The following WWOX variants were observed in gnomAD, a reference collection of about 807,000 sequenced individuals.
The protein encoded by WWOX is WW domain-containing oxidoreductase.
In WWOX, 69 loss-of-function variants were observed where a neutral mutation model predicts 46.2. The observed-to-expected ratio is 1.49, with a 90% CI of 1.23 to 1.82. WWOX has a LOEUF of 1.82. Ranked by LOEUF, WWOX falls within the 40% of genes most tolerant of loss-of-function variation. The pLI is 0.00. For missense variants in WWOX, 919 were observed against 542.6 expected (o/e 1.69, Z -6.89); for synonymous variants, 359 against 202.6 (o/e 1.77, Z -6.56).
At chr16:78,657,116 C>T (rs879802600) in intron 8 of WWOX, among the ~76,000 whole-genome samples, 10 of 152,164 alleles carry the variant, frequency 6.6e-5, no homozygotes, top group Non-Finnish European at 1.0e-4. Context: ...CACCAGGCTG[C>T]CACTTTGGCC....
intron 8 of WWOX, among the ~76,000 whole-genome samples, chr16:78,692,631 A>C (rs1481504357): frequency 6.6e-6 from 1 of 152,228 alleles, no homozygotes; most frequent in African/African-American, 2.4e-5. Context: ...TATAAAACTT[A>C]ACAATTGTGG....
intron 8 of WWOX, among the ~76,000 whole-genome samples, chr16:78,524,170 T>C (rs191348406): frequency 7.7e-4 from 118 of 152,310 alleles, no homozygotes; most frequent in African/African-American, 2.8e-3. Flanking sequence ...TTCTGCTCTT[T>C]TTCTCTTTAT....
intron 8 of WWOX, among the ~76,000 whole-genome samples, chr16:78,577,924 T>C (rs1303000374): frequency 6.6e-6 from 1 of 152,120 alleles, no homozygotes; most frequent in African/African-American, 2.4e-5. Flanking sequence ...CTATCAGTTG[T>C]ACCCTTGTGG....
At chr16:78,209,728 C>T (rs906848565) in intron 5 of WWOX, among the ~76,000 whole-genome samples, 6 of 118,800 alleles carry the variant, frequency 5.1e-5, no homozygotes, top group Non-Finnish European at 8.4e-5. Flanking sequence ...AAAGTATGGG[C>T]TTGCGGAGAT....
intron 8 of WWOX, among the ~76,000 whole-genome samples, chr16:78,942,042 C>T (rs984564137): frequency 6.6e-6 from 1 of 152,112 alleles, no homozygotes; most frequent in African/African-American, 2.4e-5. Context: ...TCTACCTCGC[C>T]TGGTCTAGCC....
chr16:79,094,671 T>A (rs2150612333), intron 8 of WWOX, among the ~76,000 whole-genome samples: 1 of 152,114 alleles, frequency 6.6e-6, no homozygotes, highest in Non-Finnish European at 1.5e-5. Context: ...TTTCTAGAAG[T>A]TTTGGTATAA....
intron 6 of WWOX, among the ~76,000 whole-genome samples, chr16:78,415,537 G>T (rs939919416): frequency 3.3e-5 from 5 of 152,066 alleles, no homozygotes; most frequent in South Asian, 2.1e-4. Context: ...GAGTCACTCT[G>T]GTTTGAATGC....
At chr16:78,323,907 T>G (rs1353493615) in intron 5 of WWOX, among the ~76,000 whole-genome samples, 1 of 152,204 alleles carries the variant, frequency 6.6e-6, no homozygotes, top group African/African-American at 2.4e-5. Context: ...CAGTATGGTC[T>G]GAATAATAAG....
At chr16:79,049,832 C>CT (rs1305699955) in intron 8 of WWOX, among the ~76,000 whole-genome samples, 4 of 121,818 alleles carry the variant, frequency 3.3e-5, no homozygotes, top group Non-Finnish European at 6.7e-5. Flanking sequence ...GAGACTCTGT[C>CT]TCAAAAAAAA....
intron 8 of WWOX, among the ~76,000 whole-genome samples, chr16:78,828,916 G>C (rs571114225): frequency 1.3e-5 from 2 of 152,192 alleles, no homozygotes; most frequent in African/African-American, 4.8e-5. Context: ...CCCCCTTTTA[G>C]AGATAAGGTA....
intron 8 of WWOX, among the ~76,000 whole-genome samples, chr16:78,931,155 C>T (rs144662063): frequency 3.1e-4 from 47 of 152,204 alleles, no homozygotes; most frequent in African/African-American, 1.0e-3. Flanking sequence ...AAGGAGCTTA[C>T]GAAAACAGAG....
At chr16:78,439,556 G>C (rs532456961) in intron 8 of WWOX, among the ~76,000 whole-genome samples, 5 of 152,306 alleles carry the variant, frequency 3.3e-5, no homozygotes, top group African/African-American at 9.6e-5. Flanking sequence ...TAAGTAAGTT[G>C]GAAAAGGGCA....
chr16:78,187,291 A>T (rs1273411513), intron 5 of WWOX, among the ~76,000 whole-genome samples: 1 of 152,176 alleles, frequency 6.6e-6, no homozygotes, highest in Non-Finnish European at 1.5e-5. Flanking sequence ...GGTGGGCACA[A>T]AGAAAAGAGG....
At chr16:78,607,644 C>CTTTTT (rs4035989) in intron 8 of WWOX, among the ~76,000 whole-genome samples, 6 of 141,562 alleles carry the variant, frequency 4.2e-5, no homozygotes, top group Non-Finnish European at 4.6e-5. Context: ...ATTTGTTCTT[C>CTTTTT]TTTTTTTTTT....
intron 8 of WWOX, among the ~76,000 whole-genome samples, chr16:78,472,189 C>T (rs1440265807): frequency 3.3e-5 from 5 of 152,244 alleles, no homozygotes; most frequent in South Asian, 2.1e-4. Flanking sequence ...ACCCCAACCA[C>T]CTAGAAGCAC....
intron 8 of WWOX, among the ~76,000 whole-genome samples, chr16:79,116,410 G>A (rs2049516669): frequency 6.6e-6 from 1 of 152,194 alleles, no homozygotes; most frequent in Non-Finnish European, 1.5e-5. Flanking sequence ...TAAGTTTATG[G>A]AATATTCTAA....
chr16:78,867,498 G>C (rs1010413780), intron 8 of WWOX, among the ~76,000 whole-genome samples: 2 of 151,452 alleles, frequency 1.3e-5, no homozygotes, highest in South Asian at 4.2e-4. Flanking sequence ...GTGTGTGTGT[G>C]TGTGTGTGTG....
chr16:79,096,016 ATTTTTTT>A (rs57621801), intron 8 of WWOX, among the ~76,000 whole-genome samples: 1 of 82,054 alleles, frequency 1.2e-5, no homozygotes, highest in Non-Finnish European at 2.2e-5. Context: ...CACCCGGATA[ATTTTTTT>A]TTTTTTTTTT....
intron 5 of WWOX, among the ~76,000 whole-genome samples, chr16:78,385,934 C>A (rs1223494041): frequency 6.6e-6 from 1 of 152,178 alleles, no homozygotes; most frequent in East Asian, 1.9e-4. Flanking sequence ...GGGAGTGGCC[C>A]ATACACAGAA....
Sources: allele counts gnomAD v4.1 joint callset (sites outside exome capture counted in the v4.1 genomes callset), GRCh38; gene constraint gnomAD v4.1.1; transcripts MANE v1.5; gene names NCBI Gene and HGNC (gene_info 2026-07-23, HGNC 2026-07-21).